KIAA0825: variants seen among roughly 807,000 people sequenced by gnomAD.
The protein encoded by KIAA0825 is KIAA0825, also known as uncharacterized protein KIAA0825.
A neutral mutation model predicts 147.6 loss-of-function variants in KIAA0825; 119 were observed. That is an observed-to-expected ratio of 0.81 (90% confidence interval 0.69 to 0.94). The LOEUF is 0.94. Ranked by LOEUF, KIAA0825 falls within the 40% of genes least tolerant of loss-of-function variation. KIAA0825 has a pLI of 0.00. For synonymous variants in KIAA0825, 470 were observed against 518.1 expected (o/e 0.91, Z 1.26); for missense variants, 1,381 against 1,472.7 (o/e 0.94, Z 1.02).
intron 5 of KIAA0825, among the ~76,000 whole-genome samples, chr5:94,489,445 AG>A (rs891376537): frequency 1.3e-5 from 2 of 152,092 alleles, no homozygotes; most frequent in East Asian, 3.9e-4. Flanking sequence ...CTCCTGTCTG[AG>A]GGGTTCATGA....
At chr5:94,408,399 G>A (rs1752342839) in intron 15 of KIAA0825, among the ~76,000 whole-genome samples, 1 of 151,910 alleles carries the variant, frequency 6.6e-6, no homozygotes, top group African/African-American at 2.4e-5. Context: ...GCCCAGGCTG[G>A]AATGCAATGG....
At chr5:94,237,332 C>T (rs181870121) in intron 20 of KIAA0825, among the ~76,000 whole-genome samples, 16 of 152,118 alleles carry the variant, frequency 1.1e-4, no homozygotes, top group Admixed American at 3.9e-4. Flanking sequence ...TGAAAAGAAA[C>T]ACTGCTTAAT....
chr5:94,190,666 G>A (rs1770600751), intron 20 of KIAA0825, among the ~76,000 whole-genome samples: 1 of 151,622 alleles, frequency 6.6e-6, no homozygotes, highest in African/African-American at 2.4e-5. Context: ...TTTTTATTAT[G>A]GAATTGTTTT....
chr5:94,416,206 T>C (rs1191906161), intron 15 of KIAA0825: 1 of 152,164 alleles, frequency 6.6e-6, no homozygotes, highest in Admixed American at 6.5e-5. Flanking sequence ...ATTTGGACTT[T>C]GGAAATCATA....
chr5:94,559,834 A>C (rs1453871749), intron 2 of KIAA0825, among the ~76,000 whole-genome samples: 1 of 152,146 alleles, frequency 6.6e-6, no homozygotes, highest in Admixed American at 6.5e-5. Flanking sequence ...GGGGATCAAA[A>C]TATTTTACCA....
At chr5:94,391,978 G>T (rs982313103) in intron 17 of KIAA0825, among the ~76,000 whole-genome samples, 11 of 152,152 alleles carry the variant, frequency 7.2e-5, no homozygotes, top group Non-Finnish European at 4.4e-5. Flanking sequence ...TACTGCAATT[G>T]TTGAAATTGC....
chr5:94,539,793 G>T (rs1377110594), intron 2 of KIAA0825, among the ~76,000 whole-genome samples: 3 of 152,008 alleles, frequency 2.0e-5, no homozygotes, highest in African/African-American at 7.2e-5. Context: ...TTCCTTATAA[G>T]ATTTAGGGGT....
chr5:94,258,806 G>T (rs1217258635), intron 20 of KIAA0825, among the ~76,000 whole-genome samples: 1 of 151,946 alleles, frequency 6.6e-6, no homozygotes, highest in Non-Finnish European at 1.5e-5. Context: ...TAGACAGGAT[G>T]ATCTAATTCC....
At chr5:94,214,575 C>G (rs1773039449) in intron 20 of KIAA0825, among the ~76,000 whole-genome samples, 1 of 152,188 alleles carries the variant, frequency 6.6e-6, no homozygotes, top group African/African-American at 2.4e-5. Flanking sequence ...TGGGAAACTC[C>G]TCGGTCCTGG....
chr5:94,182,930 C>A (rs912018705), intron 20 of KIAA0825, among the ~76,000 whole-genome samples: 3 of 152,134 alleles, frequency 2.0e-5, no homozygotes, highest in Non-Finnish European at 4.4e-5. Context: ...AGGTAGGGAA[C>A]AGGTTCTTAG....
intron 14 of KIAA0825, among the ~76,000 whole-genome samples, chr5:94,435,522 T>C (rs1756246959): frequency 2.0e-5 from 3 of 152,276 alleles, no homozygotes; most frequent in East Asian, 3.9e-4. Context: ...CAGTCTATCA[T>C]TGATGGGCAT....
At chr5:94,357,242 A>T (rs1484144391) in intron 20 of KIAA0825, among the ~76,000 whole-genome samples, 1 of 143,886 alleles carries the variant, frequency 6.9e-6, no homozygotes, top group Non-Finnish European at 1.6e-5. Flanking sequence ...AAGCTAACAC[A>T]CGTTAAAAGT....
chr5:94,325,031 A>G (rs1780545633), intron 20 of KIAA0825, among the ~76,000 whole-genome samples: 1 of 152,034 alleles, frequency 6.6e-6, no homozygotes, highest in South Asian at 2.1e-4. Flanking sequence ...TTACAAATAT[A>G]AGACATATGC....
At chr5:94,449,036 G>A (rs969835700) in intron 13 of KIAA0825, among the ~76,000 whole-genome samples, 1 of 152,152 alleles carries the variant, frequency 6.6e-6, no homozygotes, top group Non-Finnish European at 1.5e-5. Flanking sequence ...GGATATCAGT[G>A]AGAGTCCTCC....
intron 13 of KIAA0825, among the ~76,000 whole-genome samples, chr5:94,449,157 A>C (rs563023099): frequency 6.6e-6 from 1 of 152,302 alleles, no homozygotes; most frequent in African/African-American, 2.4e-5. Context: ...CAACAAATTC[A>C]ATATTAAAAA....
At chr5:94,480,923 C>T (rs1405457777) in intron 6 of KIAA0825, among the ~76,000 whole-genome samples, 1 of 152,034 alleles carries the variant, frequency 6.6e-6, no homozygotes, top group Non-Finnish European at 1.5e-5. Context: ...GGGATCTACA[C>T]TAATGTGATA....
intron 5 of KIAA0825, among the ~76,000 whole-genome samples, chr5:94,516,699 G>A (rs541546589): frequency 2.9e-5 from 1 of 34,202 alleles, no homozygotes; most frequent in South Asian, 1.3e-3. Context: ...GCTGAGGCAG[G>A]AGAATGGCGT....
At chr5:94,164,276 G>A (rs980908164) in intron 20 of KIAA0825, among the ~76,000 whole-genome samples, 4 of 151,968 alleles carry the variant, frequency 2.6e-5, no homozygotes, top group African/African-American at 9.7e-5. Flanking sequence ...CAAAACTGGA[G>A]GAATCATATT....
At chr5:94,517,130 A>G (rs1767394212) in intron 5 of KIAA0825, among the ~76,000 whole-genome samples, 1 of 152,148 alleles carries the variant, frequency 6.6e-6, no homozygotes, top group African/African-American at 2.4e-5. Context: ...AAAGTGGTAA[A>G]TTATTTTTAA....
Sources: gnomAD v4.1 joint callset for allele counts (sites outside exome capture counted in the v4.1 genomes callset) on GRCh38, gnomAD v4.1.1 for gene constraint, MANE v1.5 for transcripts, NCBI Gene and HGNC (gene_info 2026-07-23, HGNC 2026-07-21) for gene names.